WDPCP: variants seen among roughly 807,000 people sequenced by gnomAD.
WDPCP encodes WD repeat-containing and planar cell polarity effector protein fritz homolog.
In WDPCP, 71 loss-of-function variants were observed where a neutral mutation model predicts 93.1. That is an observed-to-expected ratio of 0.76 (90% CI 0.63 to 0.93). The LOEUF is 0.93. Ranked by LOEUF, WDPCP falls within the 40% of genes least tolerant of loss-of-function variation. The pLI is 0.00. For synonymous variants in WDPCP, 315 were observed against 315.0 expected (o/e 1.00, Z 0.00); for missense variants, 844 against 887.4 (o/e 0.95, Z 0.62).
At chr2:63,837,922 G>A in the WDPCP span, among the ~76,000 whole-genome samples, 40 of 152,192 alleles carry the variant, frequency 2.6e-4, no homozygotes, top group East Asian at 6.0e-3. Context: ...TGGCCAACAC[G>A]CCGAAACCCT....
At chr2:63,597,456 T>G in intron 3 of WDPCP, 1 of 1,508,078 alleles carries the variant, frequency 6.6e-7, no homozygotes, top group Non-Finnish European at 8.9e-7. Flanking sequence ...GTGGCCATTC[T>G]TGTGGGCTCC....
chr2:63,588,916 C>T, upstream of WDPCP: 1 of 1,292,342 alleles, frequency 7.7e-7, no homozygotes, highest in Non-Finnish European at 1.1e-6. Context: ...CAGAGAGCGC[C>T]GCGTCGGGAG....
At chr2:63,772,941 C>A (rs1425322409) in intron 2 of WDPCP, among the ~76,000 whole-genome samples, 1 of 151,860 alleles carries the variant, frequency 6.6e-6, no homozygotes, top group Non-Finnish European at 1.5e-5. Flanking sequence ...AATGGCCTAG[C>A]CACTACAATA....
chr2:63,791,347 C>T (rs1411650841), intron 2 of WDPCP, among the ~76,000 whole-genome samples: 3 of 152,168 alleles, frequency 2.0e-5, no homozygotes, highest in Non-Finnish European at 4.4e-5. Context: ...CTCCAATCTC[C>T]GTTCCTTACT....
chr2:63,764,602 T>C (rs1670112108), intron 2 of WDPCP, among the ~76,000 whole-genome samples: 2 of 152,178 alleles, frequency 1.3e-5, no homozygotes, highest in Non-Finnish European at 2.9e-5. Flanking sequence ...TATAAATGGA[T>C]TGAAATGTGA....
At chr2:63,170,078 G>A (rs1450616551) in intron 15 of WDPCP, among the ~76,000 whole-genome samples, 1 of 149,584 alleles carries the variant, frequency 6.7e-6, no homozygotes, top group Non-Finnish European at 1.5e-5. Context: ...TTTTTCAGTA[G>A]AGATGAGGTC....
At chr2:63,710,471 G>A (rs1027188005) in intron 2 of WDPCP, among the ~76,000 whole-genome samples, 2 of 152,086 alleles carry the variant, frequency 1.3e-5, no homozygotes, top group Non-Finnish European at 2.9e-5. Flanking sequence ...AACCCTGCTC[G>A]GGCCTTGTAA....
intron 2 of WDPCP, among the ~76,000 whole-genome samples, chr2:63,659,182 G>C (rs1185360777): frequency 6.6e-6 from 1 of 152,124 alleles, no homozygotes; most frequent in Non-Finnish European, 1.5e-5. Context: ...AGTTAAGTGA[G>C]CTCTTCTGTC....
chr2:63,730,687 G>A (rs1303199084), intron 2 of WDPCP, among the ~76,000 whole-genome samples: 1 of 151,998 alleles, frequency 6.6e-6, no homozygotes, highest in African/African-American at 2.4e-5. Context: ...CATGATCACC[G>A]TGGTAAGGCA....
At chr2:63,414,694 A>C (rs1188687407) in intron 9 of WDPCP, among the ~76,000 whole-genome samples, 1 of 152,214 alleles carries the variant, frequency 6.6e-6, no homozygotes, top group Non-Finnish European at 1.5e-5. Flanking sequence ...CAAAGGCCTA[A>C]GAATGATACA....
chr2:63,325,163 C>G (rs1024455919), intron 12 of WDPCP, among the ~76,000 whole-genome samples: 1 of 152,160 alleles, frequency 6.6e-6, no homozygotes. Flanking sequence ...AATGCTGCAG[C>G]CTTTGTCATG....
intron 10 of WDPCP, among the ~76,000 whole-genome samples, chr2:63,389,793 C>G (rs1310969132): frequency 1.3e-5 from 2 of 152,012 alleles, no homozygotes; most frequent in African/African-American, 4.8e-5. Context: ...TCAAAAGAGA[C>G]AAAGAAGGCC....
intron 2 of WDPCP, among the ~76,000 whole-genome samples, chr2:63,731,376 A>G (rs1669559596): frequency 6.6e-6 from 1 of 152,156 alleles, no homozygotes; most frequent in Admixed American, 6.6e-5. Context: ...TAAAATTCAC[A>G]TAACATTAAT....
chr2:63,460,418 G>A (rs189696539), intron 6 of WDPCP, among the ~76,000 whole-genome samples: 2 of 152,102 alleles, frequency 1.3e-5, no homozygotes, highest in African/African-American at 4.8e-5. Flanking sequence ...TAGCAGAATA[G>A]GATGACTATA....
intron 1 of WDPCP, among the ~76,000 whole-genome samples, chr2:63,529,458 A>G (rs569098968): frequency 6.6e-6 from 1 of 152,346 alleles, no homozygotes; most frequent in East Asian, 1.9e-4. Flanking sequence ...CCTTTTCTGC[A>G]TCTATTGAGA....
chr2:63,821,785 A>T (rs192437090), intron 1 of WDPCP, among the ~76,000 whole-genome samples: 1 of 152,306 alleles, frequency 6.6e-6, no homozygotes, highest in Admixed American at 6.5e-5. Context: ...AGCTAAAACT[A>T]TAGGCCCTAC....
intron 1 of WDPCP, among the ~76,000 whole-genome samples, chr2:63,528,254 C>T (rs1703513068): frequency 6.6e-6 from 1 of 152,114 alleles, no homozygotes; most frequent in Non-Finnish European, 1.5e-5. Context: ...GCTTTTGTTG[C>T]CATTGCTTTT....
chr2:63,367,172 T>C (rs2104732060), intron 12 of WDPCP, among the ~76,000 whole-genome samples: 1 of 151,910 alleles, frequency 6.6e-6, no homozygotes, highest in Non-Finnish European at 1.5e-5. Flanking sequence ...AATTTTACTG[T>C]GACCTAAGGC....
At chr2:63,762,333 T>C (rs1670067819) in intron 2 of WDPCP, among the ~76,000 whole-genome samples, 1 of 152,128 alleles carries the variant, frequency 6.6e-6, no homozygotes, top group Non-Finnish European at 1.5e-5. Flanking sequence ...GCTAAATGAA[T>C]TAAAATCAGA....
Sources: allele counts gnomAD v4.1 joint callset (sites outside exome capture counted in the v4.1 genomes callset), GRCh38; gene constraint gnomAD v4.1.1; transcripts MANE v1.5; gene names NCBI Gene and HGNC (gene_info 2026-07-23, HGNC 2026-07-21).